EYS: variants seen among roughly 807,000 people sequenced by gnomAD.
EYS encodes the protein protein eyes shut homolog.
Under a neutral mutation model 282.1 loss-of-function variants are expected in EYS, and 250 were observed. The observed-to-expected ratio is 0.89, with a 90% confidence interval of 0.80 to 0.98. The LOEUF is 0.98. Ranked by LOEUF, EYS falls within the 50% of genes least tolerant of loss-of-function variation. EYS has a pLI of 0.00. For missense variants in EYS, 4,016 were observed against 3,709.0 expected (o/e 1.08, Z -2.15); for synonymous variants, 1,355 against 1,282.9 (o/e 1.06, Z -1.20).
intron 12 of EYS, among the ~76,000 whole-genome samples, chr6:65,213,569 C>T (rs1766229419): frequency 6.6e-6 from 1 of 152,112 alleles, no homozygotes; most frequent in Non-Finnish European, 1.5e-5. Context: ...TGTTATGATG[C>T]TCTGTGTTCA....
chr6:64,621,622 C>T (rs777256861), intron 23 of EYS, among the ~76,000 whole-genome samples: 9 of 152,286 alleles, frequency 5.9e-5, no homozygotes, highest in Non-Finnish European at 1.2e-4. Context: ...ACCTCATCAT[C>T]GACAATAATT....
intron 36 of EYS, among the ~76,000 whole-genome samples, chr6:63,820,274 A>G (rs750955737): frequency 5.9e-5 from 9 of 152,102 alleles, no homozygotes; most frequent in Admixed American, 3.9e-4. Context: ...TATACCCTTC[A>G]GTGAGATGTC....
intron 26 of EYS, among the ~76,000 whole-genome samples, chr6:64,463,000 C>T (rs1327095334): frequency 7.3e-6 from 1 of 137,924 alleles, no homozygotes; most frequent in African/African-American, 2.8e-5. Context: ...GGCTGGAGTG[C>T]AGTGGCGAGA....
chr6:64,239,688 C>T (rs1766732182), intron 30 of EYS, among the ~76,000 whole-genome samples: 1 of 149,582 alleles, frequency 6.7e-6, no homozygotes, highest in Non-Finnish European at 1.5e-5. Flanking sequence ...TAAACATTTT[C>T]TCCCATTCTG....
intron 12 of EYS, among the ~76,000 whole-genome samples, chr6:65,163,405 A>C (rs1016453547): frequency 6.6e-6 from 1 of 151,282 alleles, no homozygotes; most frequent in African/African-American, 2.4e-5. Flanking sequence ...CACTGCATTA[A>C]AATTGTCCAT....
At chr6:64,961,345 A>T (rs1769909189) in intron 14 of EYS, among the ~76,000 whole-genome samples, 1 of 152,156 alleles carries the variant, frequency 6.6e-6, no homozygotes, top group Non-Finnish European at 1.5e-5. Context: ...GTTGTTGTAA[A>T]CTATTAATTA....
intron 15 of EYS, among the ~76,000 whole-genome samples, chr6:64,935,836 T>C (rs1341654464): frequency 2.6e-5 from 4 of 151,664 alleles, no homozygotes; most frequent in African/African-American, 9.7e-5. Context: ...AATAAGTACA[T>C]GAGTAGATTG....
Position 64,674,607 on chromosome 6 carries a change from A to T in EYS, c.3444-48362T>A, listed in dbSNP as rs370596730. On this transcript the variant is annotated intron_variant, in intron 22 of 42. Coordinates refer to ENST00000503581, the MANE Select transcript of EYS (RefSeq NM_001142800.2). ...ATTTACTATTATCTTTAATATACCA[A>T]CACACTGTTAATTGCCTAAGGAATA... 2.8e-3 allele frequency among the ~76,000 whole-genome samples: 433 copies of T among 152,182 alleles called. 2 individuals carry two copies. Among genetic ancestry groups the T allele is most frequent in the African/African-American group, 9.8e-3 (409 of 41,534 alleles).
intron 19 of EYS, among the ~76,000 whole-genome samples, chr6:64,867,093 T>C (rs1766446183): frequency 6.6e-6 from 1 of 151,802 alleles, no homozygotes; most frequent in African/African-American, 2.4e-5. Context: ...TAGCTATCAT[T>C]CAATAAATGT....
At chr6:65,597,227 G>A (rs983976865) in intron 2 of EYS, among the ~76,000 whole-genome samples, 4 of 151,968 alleles carry the variant, frequency 2.6e-5, no homozygotes, top group East Asian at 1.9e-4. Context: ...TTACTAATAC[G>A]CACGATTAAT....
At position 64,007,088 on chromosome 6, in the gene EYS, T is replaced by C. The variant is rs150583450; in HGVS notation, c.6726-7905A>G. Among the ~76,000 whole-genome samples the C allele has an allele frequency of 4.2e-3, 639 of 152,314 alleles. 1 individual carries two copies. The highest frequency in any genetic ancestry group is 4.9e-3 in the Non-Finnish European group (332 of 68,010). ...TAGGAACAGTACCAGCTCTTATTTA[T>C]ATTTCTGATATAATTTGTCTGTGAA... On this transcript the variant is annotated intron_variant, in intron 33 of 42. Transcript: ENST00000503581.
chr6:64,391,280 C>CAA (rs1364703880), intron 28 of EYS, among the ~76,000 whole-genome samples: 2 of 151,624 alleles, frequency 1.3e-5, no homozygotes, highest in African/African-American at 2.4e-5. Context: ...GAGAACGCCA[C>CAA]AAAGATACTC....
At chr6:65,260,828 G>A (rs1033876774) in intron 12 of EYS, among the ~76,000 whole-genome samples, 1 of 151,940 alleles carries the variant, frequency 6.6e-6, no homozygotes, top group African/African-American at 2.4e-5. Flanking sequence ...CTGAAACATG[G>A]CTTGTAGAGA....
chr6:63,901,195 T>C (rs993840229), intron 35 of EYS, among the ~76,000 whole-genome samples: 12 of 152,130 alleles, frequency 7.9e-5, no homozygotes, highest in Non-Finnish European at 1.8e-4. Flanking sequence ...ATTTTAAAAA[T>C]AGAGAATCAA....
At chr6:65,474,182 A>T (rs1765317096) in intron 5 of EYS, among the ~76,000 whole-genome samples, 1 of 152,148 alleles carries the variant, frequency 6.6e-6, no homozygotes, top group South Asian at 2.1e-4. Context: ...AAGAAGAAGC[A>T]GATTTTGAAT....
At chr6:64,310,127 C>T (rs1054393066) in intron 29 of EYS, among the ~76,000 whole-genome samples, 4 of 151,166 alleles carry the variant, frequency 2.6e-5, no homozygotes, top group Non-Finnish European at 5.9e-5. Context: ...GCTTATACAC[C>T]ATTGGTGGGT....
intron 24 of EYS, among the ~76,000 whole-genome samples, chr6:64,600,836 C>T (rs1184107043): frequency 6.6e-6 from 1 of 151,906 alleles, no homozygotes; most frequent in Non-Finnish European, 1.5e-5. Flanking sequence ...TTTCTTTTTC[C>T]CTTTTGTAGA....
rs916207972 is a variant in EYS at position 65,588,085 on chromosome 6, A to T, written c.-333+51693T>A. On this transcript the variant is annotated intron_variant, in intron 2 of 42. Coordinates refer to ENST00000503581, the MANE Select transcript of EYS (RefSeq NM_001142800.2). ...AGATGTTTAGAAGAATAATTTTGTGACAGTGATTAAATTCTAAAATCCTTG... is the reference window on the plus strand; with the variant it reads ...AGATGTTTAGAAGAATAATTTTGTGTCAGTGATTAAATTCTAAAATCCTTG... Among the ~76,000 whole-genome samples, 74 of 152,062 alleles carry T rather than the reference A, an allele frequency of 4.9e-4. 1 individual carries two copies. Among genetic ancestry groups the T allele is most frequent in the Admixed American group, 1.4e-3 (21 of 15,224 alleles).
intron 22 of EYS, among the ~76,000 whole-genome samples, chr6:64,774,547 T>A (rs1281011370): frequency 6.6e-6 from 1 of 151,280 alleles, no homozygotes; most frequent in Non-Finnish European, 1.5e-5. Context: ...CAGCAATGGG[T>A]CCTATGTGGA....
Sources: allele counts gnomAD v4.1 joint callset (sites outside exome capture counted in the v4.1 genomes callset), GRCh38; gene constraint gnomAD v4.1.1; transcripts MANE v1.5; gene names NCBI Gene and HGNC (gene_info 2026-07-23, HGNC 2026-07-21).